Variants in INF2 observed in about 807,000 individuals in gnomAD.
INF2 encodes inverted formin 2, also known as inverted formin-2.
Under a neutral mutation model 123.5 loss-of-function variants are expected in INF2, and 43 were observed. The observed-to-expected ratio is 0.35, with a 90% CI of 0.27 to 0.45. INF2 has a LOEUF of 0.45. INF2 is among the 20% of genes least tolerant of loss of function. INF2 has a pLI of 1.00. For synonymous variants in INF2, 851 were observed against 745.0 expected (o/e 1.14, Z -2.32); for missense variants, 1,453 against 1,682.7 (o/e 0.86, Z 2.39).
chr14:104,712,788 G>T, intron 17 of INF2, 40 bp from the exon 18 acceptor site: 2 of 1,569,956 alleles, frequency 1.3e-6, no homozygotes, highest in Non-Finnish European at 1.7e-6. Context: ...TGGTGCCCGC[G>T]CGGGGCTCTC....
rs566728980 is a variant in INF2, at chr14:104,708,111, C to T, written c.1735+109C>T. ...AACTTGTGTGCGCGTCCTGCCCGTGCGTGGCCAGGGCAGCCTGGCCCTTGC... is the reference window on the plus strand; with the variant it reads ...AACTTGTGTGCGCGTCCTGCCCGTGTGTGGCCAGGGCAGCCTGGCCCTTGC... On this transcript the variant is annotated intron_variant, in intron 8 of 22. Coordinates refer to ENST00000392634, the MANE Select transcript of INF2 (RefSeq NM_022489.4). 30 of 1,524,966 alleles carry T rather than the reference C, an allele frequency of 2.0e-5. No homozygotes were observed. The African/African-American group carries it at 2.5e-4, about 12-fold the overall frequency. The allele number at this position is 1,524,966 out of a possible 1,614,324, so 94.5% of individuals were successfully genotyped here. A position where few individuals can be genotyped will look rare whatever the true frequency, so the allele number is the denominator to read the frequency against.
chr14:104,690,543 G>A (rs994394556), intron 1 of INF2: 3 of 152,612 alleles, frequency 2.0e-5, no homozygotes, highest in African/African-American at 7.2e-5. Context: ...ACTCCAGCTG[G>A]ACACACCAGG....
intron 13 of INF2, 160 bp from the exon 14 acceptor site, chr14:104,710,777 C>T (rs1890014612): frequency 3.1e-6 from 2 of 636,846 alleles, no homozygotes; most frequent in Non-Finnish European, 2.7e-6. Context: ...GGAGGGTTTG[C>T]AGCCCCCAGG....
intron 1 of INF2, among the ~76,000 whole-genome samples, chr14:104,695,609 T>TGACCCCTCCTCCCAGG: frequency 1.3e-5 from 2 of 151,912 alleles, no homozygotes; most frequent in Non-Finnish European, 2.9e-5. Flanking sequence ...CTCCTCCCAG[T>TGACCCCTCCTCCCAGG]GAGCCGGGGC....
At chr14:104,686,732 C>T (rs1888673741), upstream of INF2, among the ~76,000 whole-genome samples, 2 of 152,196 alleles carry the variant, frequency 1.3e-5, no homozygotes, top group Non-Finnish European at 2.9e-5. Flanking sequence ...CCAGGAAGCC[C>T]TTCTGGGCCT....
chr14:104,716,120 G>C, intron 22 of INF2: 1 of 363,668 alleles, frequency 2.7e-6, no homozygotes, highest in South Asian at 2.0e-5. Flanking sequence ...GTCCAGCCCG[G>C]CCGATCATGA....
At chr14:104,707,118 G>C (rs1010869629) in intron 7 of INF2, 67 bp downstream of exon 7, 40 of 1,519,898 alleles carry the variant, frequency 2.6e-5, no homozygotes, top group Middle Eastern at 2.2e-4. Flanking sequence ...AGACCATGGG[G>C]GGGGGAGCCT....
chr14:104,707,699 C>G lies in INF2; in HGVS notation c.1432C>G (p.Pro478Ala). Residue 478 changes from proline to alanine, a missense_variant, in exon 8 of 23, where the codon CCA (proline) becomes GCA (alanine). Physicochemically the swap from Pro to Ala is conservative, Grantham distance 27. This residue lies in a region of INF2 where 374 missense variants were observed against 303.7 expected (regional missense o/e 1.23). Coordinates refer to ENST00000392634, the MANE Select transcript of INF2 (RefSeq NM_022489.4). The stretch of plus-strand genomic sequence containing the variant: ...GGCCCCCCCAGCACCTCCTCTACCA[C>G]CACCCCTGCCAGGCTCCTGTGAGTT... ...AMAPPAPPLP[P>A]PLPGSCEFLP... 1 of 1,167,130 alleles carries G rather than the reference C, an allele frequency of 8.6e-7. No homozygotes were observed. The highest frequency in any genetic ancestry group is 1.2e-6 in the Non-Finnish European group (1 of 818,836). 72.3% of individuals were successfully genotyped at this position (1,167,130 alleles called of 1,614,324 possible). A position where few individuals can be genotyped will look rare whatever the true frequency, so the allele number is the denominator to read the frequency against.
chr14:104,682,128 G>T (rs1488106619), intron 1 of INF2, among the ~76,000 whole-genome samples: 4 of 152,186 alleles, frequency 2.6e-5, no homozygotes, highest in Non-Finnish European at 4.4e-5. Flanking sequence ...TCAGATAGGG[G>T]TTTGGGGTTT....
At position 104,707,845 on chromosome 14, in the gene INF2, C is replaced by T; in HGVS notation, c.1578C>T (p.Cys526=). ...PPPPPLLPCT[C]SPPVAGGMEE... is the part of the protein sequence containing the mutation. The stretch of plus-strand genomic sequence containing the variant: ...CACCTCCACTACTGCCCTGCACCTG[C>T]AGCCCCCCCGTGGCGGGAGGCATGG... Residue 526 remains cysteine (C), a synonymous_variant, in exon 8 of 23, where the codon TGC becomes TGT. Coordinates refer to ENST00000392634, the MANE Select transcript of INF2 (RefSeq NM_022489.4). 6.2e-7 allele frequency: 1 copy of T among 1,603,398 alleles called. No homozygotes were observed. Among genetic ancestry groups the T allele is most frequent in the Non-Finnish European group, 8.5e-7 (1 of 1,177,476 alleles).
At position 104,713,490 on chromosome 14, in the gene INF2, C is replaced by T. The variant is rs1445742295; in HGVS notation, c.2924C>T (p.Ala975Val). 1 of 1,611,612 alleles carries T rather than the reference C, an allele frequency of 6.2e-7. No homozygotes were observed. Among genetic ancestry groups the T allele is most frequent in the South Asian group, 1.1e-5 (1 of 90,774 alleles). Residue 975 changes from alanine to valine, a missense_variant, in exon 20 of 23, where the codon GCC becomes GTC. Around this residue, in one of 8 missense-constraint regions of INF2, gnomAD observed 212 missense variants for 266.2 expected, o/e 0.80. Transcript: ENST00000392634. ...GKQEEVCVID[A>V]LLADIRKGFQ... ...CAGGAGGAGGTGTGTGTCATCGATG[C>T]CCTGCTGGCTGACATCAGGAAGGGC... is the stretch of plus-strand genomic sequence containing the variant.
intron 1 of INF2, among the ~76,000 whole-genome samples, chr14:104,691,693 C>A (rs1032416645): frequency 6.6e-6 from 1 of 152,208 alleles, no homozygotes; most frequent in East Asian, 1.9e-4. Context: ...AAGTCAAAGA[C>A]TAAGTTCTAC....
intron 22 of INF2, chr14:104,715,897 C>T: frequency 2.2e-6 from 1 of 456,468 alleles, no homozygotes. Context: ...TACACTGCAA[C>T]CCCCCTCCTG....
Position 104,707,522 on chromosome 14 carries a change from TCCACCCCACCCCCACCCCCACCC to T in INF2, c.1263_1285del (p.Pro422AlafsTer23). On this transcript the variant is annotated frameshift_variant, in exon 8 of 23. Coordinates refer to ENST00000392634, the MANE Select transcript of INF2 (RefSeq NM_022489.4). LOFTEE classifies it high-confidence loss of function. ...GCCCAGAGCCCTGGAGCAGCAGGCG[TCCACCCCACCCCCACCCCCACCC>T]CCACCCCTGCTCCCTGGTTCCAGTG... 1 of 1,529,976 alleles carries T rather than the reference TCCACCCCACCCCCACCCCCACCC, an allele frequency of 6.5e-7. No homozygotes were observed. Among genetic ancestry groups the T allele is most frequent in the Non-Finnish European group, 8.8e-7 (1 of 1,140,658 alleles). The allele number at this position is 1,529,976 out of a possible 1,614,324, so 94.8% of individuals were successfully genotyped here. A position where few individuals can be genotyped will look rare whatever the true frequency, so the allele number is the denominator to read the frequency against.
Position 104,708,019 on chromosome 14 carries a change from C to G in INF2, c.1735+17C>G. On this transcript the variant is annotated intron_variant, in intron 8 of 22. Coordinates refer to ENST00000392634, the MANE Select transcript of INF2 (RefSeq NM_022489.4). ...TGGCACGTGGTGAGGGTCCCCAGAC[C>G]CCCAAGGGAAGCTTCCCCTAGGACG... is the stretch of plus-strand genomic sequence containing the variant. 1 of 1,598,112 alleles carries G rather than the reference C, an allele frequency of 6.3e-7. No individual in the cohort carries two copies. Among genetic ancestry groups the G allele is most frequent in the South Asian group, 1.1e-5 (1 of 91,076 alleles).
chr14:104,712,717 C>T (rs567502489), intron 17 of INF2, 111 bp from the exon 18 acceptor site: 121 of 1,467,114 alleles, frequency 8.2e-5, no homozygotes, highest in Non-Finnish European at 1.0e-4. Flanking sequence ...TCAGAGACCA[C>T]CGTCCTCAGG....
In INF2 at chr14:104,689,725, C is replaced by T. The variant is rs1888844416; in HGVS notation, c.-24C>T. The T allele has an allele frequency of 4.1e-6, 4 of 984,974 alleles. No homozygotes were observed. Among genetic ancestry groups the T allele is most frequent in the African/African-American group, 1.7e-5 (1 of 57,156 alleles). The allele number at this position is 984,974 out of a possible 1,614,324, so 61.0% of individuals were successfully genotyped here. A position where few individuals can be genotyped will look rare whatever the true frequency, so the allele number is the denominator to read the frequency against. On this transcript the variant is annotated 5_prime_UTR_variant, in exon 1 of 23. Transcript: ENST00000392634. ...CGCCGGCCGCACCACCGCCCTCTGGCCGTTGCCTCACCGGGTAAGTCCTTG... is the reference window on the plus strand; with the variant it reads ...CGCCGGCCGCACCACCGCCCTCTGGTCGTTGCCTCACCGGGTAAGTCCTTG...
chr14:104,714,411 C>T lies in INF2; in HGVS notation c.3249C>T (p.Ser1083=), dbSNP rs776501374. The T allele has an allele frequency of 1.2e-5, 19 of 1,605,626 alleles. No individual in the cohort carries two copies. The highest frequency in any genetic ancestry group is 1.0e-4 in the South Asian group (9 of 90,146). The change falls in exon 21 of 23, where the codon AGC becomes AGT. Residue 1083 remains serine, a synonymous_variant. Coordinates refer to ENST00000392634, the MANE Select transcript of INF2 (RefSeq NM_022489.4). ...ERRSSWYVDA[S]DVLTTEDPQC... ...GTTCTTCCTGGTATGTGGATGCCAGCGATGTCCTAACCACTGAGGATCCCC... is the reference window on the plus strand; with the variant it reads ...GTTCTTCCTGGTATGTGGATGCCAGTGATGTCCTAACCACTGAGGATCCCC...
intron 2 of INF2, among the ~76,000 whole-genome samples, 160 bp downstream of exon 2, chr14:104,701,916 G>C (rs1204813460): frequency 6.6e-6 from 1 of 152,138 alleles, no homozygotes; most frequent in Non-Finnish European, 1.5e-5. Flanking sequence ...CCTGGGCTCA[G>C]GAAAAACATC....
Sources: gnomAD v4.1 joint callset for allele counts (sites outside exome capture counted in the v4.1 genomes callset) on GRCh38, gnomAD v4.1.1 for gene constraint, gnomAD v4.1.1 regional missense constraint, MANE v1.5 for transcripts, NCBI Gene and HGNC (gene_info 2026-07-23, HGNC 2026-07-21) for gene names.